DGKB: variants seen among roughly 807,000 people sequenced by gnomAD.
DGKB encodes diacylglycerol kinase beta, also known as 90 kDa diacylglycerol kinase.
A neutral mutation model predicts 114.3 loss-of-function variants in DGKB; 67 were observed. That is an observed-to-expected ratio of 0.59 (90% CI 0.48 to 0.72). The LOEUF (loss-of-function observed/expected upper bound fraction) is 0.72, where lower values mean the gene tolerates loss of function less well. DGKB is among the 30% of genes least tolerant of loss of function. The pLI is 0.00. For synonymous variants in DGKB, 398 were observed against 323.1 expected (o/e 1.23, Z -2.49); for missense variants, 907 against 975.2 (o/e 0.93, Z 0.93).
chr7:14,163,648 G>A (rs1784223268), intron 25 of DGKB, among the ~76,000 whole-genome samples: 2 of 152,072 alleles, frequency 1.3e-5, no homozygotes, highest in South Asian at 2.1e-4. Flanking sequence ...TTTCAAGGGG[G>A]CAGAAGACTA....
intron 21 of DGKB, among the ~76,000 whole-genome samples, chr7:14,439,346 TA>T (rs1829735787): frequency 6.6e-6 from 1 of 152,130 alleles, no homozygotes; most frequent in Non-Finnish European, 1.5e-5. Context: ...CTAAAGTATC[TA>T]AAGTCTTTGC....
At chr7:14,806,898 C>T (rs2128066346) in intron 2 of DGKB, among the ~76,000 whole-genome samples, 1 of 152,044 alleles carries the variant, frequency 6.6e-6, no homozygotes, top group African/African-American at 2.4e-5. Flanking sequence ...TAGGGATAAG[C>T]AAGTGTGCTG....
chr7:14,697,063 T>A (rs1563940891), intron 8 of DGKB, among the ~76,000 whole-genome samples: 2 of 152,228 alleles, frequency 1.3e-5, no homozygotes, highest in Non-Finnish European at 2.9e-5. Context: ...ATAAACTCAA[T>A]ATCTCTTATC....
chr7:14,695,340 C>A (rs1823628133), intron 8 of DGKB, among the ~76,000 whole-genome samples: 1 of 151,974 alleles, frequency 6.6e-6, no homozygotes, highest in African/African-American at 2.4e-5. Context: ...AAGCCATCCT[C>A]TGACCGTGTC....
intron 20 of DGKB, among the ~76,000 whole-genome samples, chr7:14,538,358 A>T (rs1415409805): frequency 6.6e-6 from 1 of 152,170 alleles, no homozygotes; most frequent in Non-Finnish European, 1.5e-5. Flanking sequence ...AAAAGATACA[A>T]TGATGCTCAA....
chr7:14,698,214 T>C (rs886404732), intron 7 of DGKB, 45 bp from the exon 8 acceptor site: 12 of 1,234,804 alleles, frequency 9.7e-6, no homozygotes, highest in Non-Finnish European at 1.3e-5. Flanking sequence ...AAGATCTTAG[T>C]GAGTTTTAAA....
At chr7:14,863,887 G>A (rs925363357) in intron 1 of DGKB, among the ~76,000 whole-genome samples, 2 of 151,980 alleles carry the variant, frequency 1.3e-5, no homozygotes, top group African/African-American at 4.8e-5. Flanking sequence ...ATCATGTGAG[G>A]TCAGGAGTTC....
At chr7:14,719,018 T>C (rs1366494846) in intron 5 of DGKB, 1 of 185,362 alleles carries the variant, frequency 5.4e-6, no homozygotes, top group African/African-American at 2.3e-5. Flanking sequence ...CTTTAGGTAG[T>C]GACAGCTATA....
chr7:14,916,340 A>C (rs1270460618), intron 1 of DGKB, among the ~76,000 whole-genome samples: 1 of 152,100 alleles, frequency 6.6e-6, no homozygotes, highest in Non-Finnish European at 1.5e-5. Context: ...GCTAGACACC[A>C]ATCCCATTAT....
At chr7:14,465,336 T>A (rs756834653) in intron 21 of DGKB, among the ~76,000 whole-genome samples, 4 of 151,826 alleles carry the variant, frequency 2.6e-5, no homozygotes, top group East Asian at 1.9e-4. Flanking sequence ...AAAGAAAACA[T>A]AAGAGTCTGC....
intron 1 of DGKB, among the ~76,000 whole-genome samples, chr7:14,955,170 T>C (rs1224003710): frequency 6.6e-6 from 1 of 152,026 alleles, no homozygotes; most frequent in Non-Finnish European, 1.5e-5. Flanking sequence ...AATGTGGACA[T>C]TTAATTTAAC....
chr7:14,498,319 T>C (rs1019836012), intron 20 of DGKB, among the ~76,000 whole-genome samples: 1 of 151,812 alleles, frequency 6.6e-6, no homozygotes, highest in African/African-American at 2.4e-5. Context: ...ATTTTTAAAA[T>C]TGCTCTGCTA....
intron 20 of DGKB, among the ~76,000 whole-genome samples, chr7:14,552,010 C>T (rs140577310): frequency 1.3e-5 from 2 of 151,954 alleles, no homozygotes; most frequent in Non-Finnish European, 2.9e-5. Context: ...AACATATGAC[C>T]TAAAAATCTT....
chr7:14,548,792 G>A (rs1184624151), intron 20 of DGKB, among the ~76,000 whole-genome samples: 1 of 152,092 alleles, frequency 6.6e-6, no homozygotes, highest in Non-Finnish European at 1.5e-5. Context: ...GATTGCAACA[G>A]TAAGAGGTAA....
At chr7:14,413,255 A>G (rs9639190) in intron 21 of DGKB, among the ~76,000 whole-genome samples, 113,826 of 151,624 alleles carry the variant, frequency 0.75, 43,328 homozygotes, top group Middle Eastern at 0.82. Context: ...GCACAGAAAC[A>G]GACTGATGTT....
At chr7:14,371,124 G>C (rs564084232) in intron 21 of DGKB, among the ~76,000 whole-genome samples, 1 of 152,102 alleles carries the variant, frequency 6.6e-6, no homozygotes, top group Non-Finnish European at 1.5e-5. Flanking sequence ...GTGCTACAAC[G>C]AACATATGAG....
chr7:14,646,533 AAC>A (rs1432361281), intron 13 of DGKB, among the ~76,000 whole-genome samples: 1 of 152,186 alleles, frequency 6.6e-6, no homozygotes, highest in Non-Finnish European at 1.5e-5. Context: ...ATAGCTGCAG[AAC>A]ACACATTATT....
intron 2 of DGKB, among the ~76,000 whole-genome samples, chr7:14,765,813 T>G (rs891545095): frequency 6.6e-6 from 1 of 151,970 alleles, no homozygotes; most frequent in African/African-American, 2.4e-5. Context: ...AATTAAGAGA[T>G]ACTATTAGGG....
intron 13 of DGKB, among the ~76,000 whole-genome samples, chr7:14,646,046 A>T (rs1449046822): frequency 1.3e-5 from 2 of 152,210 alleles, no homozygotes; most frequent in East Asian, 3.9e-4. Flanking sequence ...GAAGAGGTTT[A>T]ATTCACCAAT....
Sources: gnomAD v4.1 joint callset for allele counts (sites outside exome capture counted in the v4.1 genomes callset) on GRCh38, gnomAD v4.1.1 for gene constraint, MANE v1.5 for transcripts, NCBI Gene and HGNC (gene_info 2026-07-23, HGNC 2026-07-21) for gene names.